The following IL1RAPL2 variants were observed in gnomAD, a reference collection of about 807,000 sequenced individuals.
IL1RAPL2 encodes the protein X-linked interleukin-1 receptor accessory protein-like 2.
Under a neutral mutation model 44.1 loss-of-function variants are expected in IL1RAPL2, and 3 were observed. The observed-to-expected ratio is 0.07, with a 90% confidence interval of 0.03 to 0.18. The LOEUF (loss-of-function observed/expected upper bound fraction) is 0.18. Ranked by LOEUF, IL1RAPL2 falls within the 10% of genes least tolerant of loss-of-function variation. IL1RAPL2 has a pLI of 1.00. For synonymous variants in IL1RAPL2, 181 were observed against 178.8 expected, an observed-to-expected ratio of 1.01 and a Z score of -0.10; for missense variants, 391 against 496.4, an observed-to-expected ratio of 0.79 and a Z score of 2.02.
intron 2 of IL1RAPL2, among the ~76,000 whole-genome samples, chrX:105,090,470 G>T (rs2032531206): frequency 8.9e-6 from 1 of 111,876 alleles, no homozygotes. Context: ...ACAAATTCCT[G>T]GTCCAATCAC....
intron 2 of IL1RAPL2, among the ~76,000 whole-genome samples, chrX:104,788,030 T>C (rs1478094646): frequency 9.0e-6 from 1 of 111,377 alleles, no homozygotes; most frequent in African/African-American, 3.3e-5. Context: ...CAGAAATCAG[T>C]AGATGGCTGT....
At chrX:105,596,405 C>A (rs2079126011) in intron 6 of IL1RAPL2, among the ~76,000 whole-genome samples, 1 of 109,747 alleles carries the variant, frequency 9.1e-6, no homozygotes, top group South Asian at 3.9e-4. Flanking sequence ...CTTTTGATTT[C>A]TTTTTTGACC....
At chrX:104,863,229 A>T (rs1036707750) in intron 2 of IL1RAPL2, among the ~76,000 whole-genome samples, 6 of 111,607 alleles carry the variant, frequency 5.4e-5, no homozygotes, top group Non-Finnish European at 1.1e-4. Context: ...GACCACTGCC[A>T]TCCACTGGGC....
intron 2 of IL1RAPL2, among the ~76,000 whole-genome samples, chrX:104,701,564 A>G (rs1217810964): frequency 1.8e-5 from 2 of 112,174 alleles, no homozygotes; most frequent in African/African-American, 6.5e-5. Flanking sequence ...GTCTCTAGAA[A>G]AACCATCAGA....
intron 2 of IL1RAPL2, among the ~76,000 whole-genome samples, chrX:104,959,371 C>A (rs1055344386): frequency 3.6e-5 from 4 of 110,693 alleles, no homozygotes; most frequent in African/African-American, 1.3e-4. Context: ...TGCACGTATT[C>A]TTGGTGCTCA....
intron 2 of IL1RAPL2, among the ~76,000 whole-genome samples, chrX:105,107,084 C>T (rs1189536776): frequency 8.9e-6 from 1 of 112,473 alleles, no homozygotes; most frequent in Non-Finnish European, 1.9e-5. Flanking sequence ...TATCACATTG[C>T]TATTCAGCAT....
At chrX:105,388,791 T>A (rs991366810) in intron 5 of IL1RAPL2, among the ~76,000 whole-genome samples, 7 of 111,526 alleles carry the variant, frequency 6.3e-5, no homozygotes, top group Non-Finnish European at 1.3e-4. Context: ...TTTAGTTTTA[T>A]ATAATACAAC....
At chrX:104,798,095 T>A (rs1040659120) in intron 2 of IL1RAPL2, among the ~76,000 whole-genome samples, 1 of 111,789 alleles carries the variant, frequency 8.9e-6, no homozygotes, top group African/African-American at 3.3e-5. Flanking sequence ...TCTGTTCAAC[T>A]CCAGAGTCGA....
intron 8 of IL1RAPL2, among the ~76,000 whole-genome samples, chrX:105,748,091 ATG>A (rs2038564804): frequency 9.0e-6 from 1 of 111,710 alleles, no homozygotes; most frequent in Non-Finnish European, 1.9e-5. Flanking sequence ...TCTAAATTTC[ATG>A]ATACCATACC....
chrX:104,690,194 G>A (rs1452016179), intron 2 of IL1RAPL2, among the ~76,000 whole-genome samples: 1 of 112,316 alleles, frequency 8.9e-6, no homozygotes, highest in Non-Finnish European at 1.9e-5. Context: ...AAGAATAATT[G>A]CCTTGAGGGA....
chrX:105,640,827 C>T (rs186586237), intron 6 of IL1RAPL2, among the ~76,000 whole-genome samples: 116 of 104,701 alleles, frequency 1.1e-3, no homozygotes, highest in Middle Eastern at 0.01. Context: ...GAGTGCCAAA[C>T]AGGTTTGCCC....
chrX:104,598,090 T>G (rs941699362), intron 1 of IL1RAPL2, among the ~76,000 whole-genome samples: 13 of 112,100 alleles, frequency 1.2e-4, no homozygotes, highest in African/African-American at 4.2e-4. Context: ...TCCAAAGAGT[T>G]ATAGTTGTAT....
chrX:105,610,731 T>C (rs2037329518), intron 6 of IL1RAPL2, among the ~76,000 whole-genome samples: 1 of 112,025 alleles, frequency 8.9e-6, no homozygotes, highest in Admixed American at 9.5e-5. Context: ...CCGACTGTGC[T>C]ACCAGTCATA....
chrX:104,758,065 G>A (rs903747902), intron 2 of IL1RAPL2, among the ~76,000 whole-genome samples: 2 of 111,719 alleles, frequency 1.8e-5, no homozygotes, highest in African/African-American at 3.2e-5. Flanking sequence ...GAAGACCTGG[G>A]GACAGTTAAA....
intron 5 of IL1RAPL2, among the ~76,000 whole-genome samples, chrX:105,398,247 C>A (rs1464179732): frequency 9.0e-6 from 1 of 110,971 alleles, no homozygotes; most frequent in African/African-American, 3.3e-5. Flanking sequence ...TAGAAAGTAA[C>A]CCTTGATGCA....
intron 2 of IL1RAPL2, among the ~76,000 whole-genome samples, chrX:104,758,377 A>G (rs970504015): frequency 1.4e-4 from 16 of 111,359 alleles, no homozygotes; most frequent in African/African-American, 4.9e-4. Flanking sequence ...TCTTTTGAAC[A>G]TAGAAGCTCT....
intron 2 of IL1RAPL2, among the ~76,000 whole-genome samples, chrX:104,997,275 A>G (rs189269359): frequency 8.9e-6 from 1 of 112,205 alleles, no homozygotes; most frequent in East Asian, 2.8e-4. Flanking sequence ...TGGACTACAT[A>G]TTGAAATGAC....
At chrX:104,903,767 C>A (rs1269440485) in intron 2 of IL1RAPL2, among the ~76,000 whole-genome samples, 2 of 109,845 alleles carry the variant, frequency 1.8e-5, no homozygotes, top group Non-Finnish European at 3.8e-5. Context: ...TTAGTAGAAG[C>A]GGGATTTTGC....
At chrX:105,509,409 TGA>T (rs1457647493) in intron 6 of IL1RAPL2, among the ~76,000 whole-genome samples, 2 of 111,726 alleles carry the variant, frequency 1.8e-5, no homozygotes, top group African/African-American at 6.5e-5. Context: ...GGCATAAACT[TGA>T]GAGAAGATGA....
Sources: allele counts gnomAD v4.1 joint callset (sites outside exome capture counted in the v4.1 genomes callset), GRCh38; gene constraint gnomAD v4.1.1; transcripts MANE v1.5; gene names NCBI Gene and HGNC (gene_info 2026-07-23, HGNC 2026-07-21).